SAXO1: variants seen among roughly 807,000 people sequenced by gnomAD.
SAXO1 encodes 4930500O09Rik.
In SAXO1, 21 loss-of-function variants were observed where a neutral mutation model predicts 17.5. That is an observed-to-expected ratio of 1.20 (90% CI 0.85 to 1.72). SAXO1 has a LOEUF of 1.72. Among genes scored for constraint, SAXO1 ranks in the 40% most tolerant of loss-of-function variants. SAXO1 has a pLI of 0.00. For synonymous variants in SAXO1, 274 were observed against 216.5 expected (o/e 1.27, Z -2.33); for missense variants, 843 against 596.0 (o/e 1.41, Z -4.32).
intron 1 of SAXO1, among the ~76,000 whole-genome samples, chr9:19,006,962 G>A (rs757620119): frequency 5.3e-5 from 8 of 151,338 alleles, no homozygotes; most frequent in Non-Finnish European, 1.0e-4. Context: ...GGACAATCAC[G>A]TGAACCCGGG....
At chr9:18,979,703 T>C (rs755567173) in intron 1 of SAXO1, among the ~76,000 whole-genome samples, 1 of 152,176 alleles carries the variant, frequency 6.6e-6, no homozygotes, top group Non-Finnish European at 1.5e-5. Flanking sequence ...GGAGGCAGCA[T>C]AGTGGCCCAC....
intron 1 of SAXO1, among the ~76,000 whole-genome samples, chr9:19,047,935 T>C (rs185602311): frequency 7.2e-5 from 11 of 152,186 alleles, no homozygotes; most frequent in Admixed American, 7.2e-4. Flanking sequence ...TGAAAGGCGA[T>C]CAGATAAGAA....
intron 1 of SAXO1, among the ~76,000 whole-genome samples, chr9:19,042,337 G>C (rs1044717948): frequency 6.6e-6 from 1 of 152,176 alleles, no homozygotes; most frequent in Non-Finnish European, 1.5e-5. Context: ...GCTGTACACT[G>C]TTGGTGGAAA....
At chr9:19,038,613 G>A (rs1234178472) in intron 1 of SAXO1, among the ~76,000 whole-genome samples, 3 of 116,264 alleles carry the variant, frequency 2.6e-5, no homozygotes, top group South Asian at 3.7e-4. Context: ...GTTGTGGGGT[G>A]GGGGGAGGGG....
At chr9:18,975,763 T>A (rs1341879340) in intron 1 of SAXO1, among the ~76,000 whole-genome samples, 1 of 152,208 alleles carries the variant, frequency 6.6e-6, no homozygotes, top group Non-Finnish European at 1.5e-5. Flanking sequence ...GAGCACATAT[T>A]ATGGTGGAGT....
chr9:19,020,917 G>A (rs1835205957), intron 1 of SAXO1, among the ~76,000 whole-genome samples: 1 of 152,166 alleles, frequency 6.6e-6, no homozygotes, highest in African/African-American at 2.4e-5. Context: ...TCAATGACCT[G>A]GGAATCCACC....
chr9:19,045,036 C>T (rs1257708030), intron 1 of SAXO1, among the ~76,000 whole-genome samples: 1 of 151,586 alleles, frequency 6.6e-6, no homozygotes, highest in Non-Finnish European at 1.5e-5. Flanking sequence ...GACGGCCGGG[C>T]GCGGTGGCTC....
At chr9:19,047,787 T>C (rs973359462) in intron 1 of SAXO1, among the ~76,000 whole-genome samples, 1 of 152,242 alleles carries the variant, frequency 6.6e-6, no homozygotes, top group Non-Finnish European at 1.5e-5. Context: ...TCTTGAAATT[T>C]TTACTCTCCT....
At chr9:19,001,928 A>T (rs1294876686) in intron 1 of SAXO1, among the ~76,000 whole-genome samples, 1 of 152,038 alleles carries the variant, frequency 6.6e-6, no homozygotes, top group Non-Finnish European at 1.5e-5. Flanking sequence ...GACACAAAAA[A>T]CCCTTCAAAA....
intron 3 of SAXO1, among the ~76,000 whole-genome samples, chr9:18,933,626 T>C (rs1831149538): frequency 6.6e-6 from 1 of 152,240 alleles, no homozygotes; most frequent in Non-Finnish European, 1.5e-5. Context: ...TTTGCCTTCA[T>C]TATTGAATCA....
chr9:18,939,127 C>G (rs565485046), intron 3 of SAXO1, among the ~76,000 whole-genome samples: 1 of 152,062 alleles, frequency 6.6e-6, no homozygotes, highest in African/African-American at 2.4e-5. Context: ...AGTCCGCCAT[C>G]GGATATGCCA....
At chr9:19,009,671 A>G (rs186006900) in intron 1 of SAXO1, among the ~76,000 whole-genome samples, 3 of 152,292 alleles carry the variant, frequency 2.0e-5, no homozygotes, top group Admixed American at 1.3e-4. Context: ...CCCAAGTGGA[A>G]GCACTCTGCC....
At chr9:19,012,585 G>C (rs1393379076) in intron 1 of SAXO1, among the ~76,000 whole-genome samples, 1 of 152,202 alleles carries the variant, frequency 6.6e-6, no homozygotes, top group Admixed American at 6.5e-5. Context: ...GCACTGTCTG[G>C]ATAAGGAGGC....
intron 2 of SAXO1, among the ~76,000 whole-genome samples, chr9:18,950,087 C>T (rs1170562062): frequency 6.6e-6 from 1 of 152,112 alleles, no homozygotes. Context: ...TGCTTATAGA[C>T]CAACCCTGAA....
At chr9:19,037,536 G>A (rs1051789184), upstream of SAXO1, among the ~76,000 whole-genome samples, 6 of 152,084 alleles carry the variant, frequency 3.9e-5, no homozygotes, top group Admixed American at 2.6e-4. Context: ...AGGGGTTTCC[G>A]CTTTTGCATC....
intron 1 of SAXO1, among the ~76,000 whole-genome samples, chr9:18,998,514 G>A (rs1834106373): frequency 6.6e-6 from 1 of 152,204 alleles, no homozygotes; most frequent in African/African-American, 2.4e-5. Flanking sequence ...GTGATGGGGA[G>A]AATGGAACCA....
At chr9:19,020,358 T>G (rs978619078) in intron 1 of SAXO1, among the ~76,000 whole-genome samples, 17 of 113,444 alleles carry the variant, frequency 1.5e-4, no homozygotes, top group African/African-American at 3.7e-4. Flanking sequence ...TTTTTTTTTT[T>G]TGTGAGACAG....
At chr9:18,938,854 A>ATGTGTGTGTGTGTGTGTGTGTATG (rs981075599) in intron 3 of SAXO1, among the ~76,000 whole-genome samples, 1 of 39,720 alleles carries the variant, frequency 2.5e-5, no homozygotes, top group Admixed American at 2.6e-4. Flanking sequence ...GTGTGTGTGT[A>ATGTGTGTGTGTGTGTGTGTGTATG]TGTGTGTGTG....
In SAXO1 at chr9:18,937,006, T is replaced by C. The variant is rs1280218394; in HGVS notation, c.421+4631A>G. Among the ~76,000 whole-genome samples the C allele has an allele frequency of 2.6e-5, 4 of 152,200 alleles. No individual in the cohort carries two copies. In the East Asian group the frequency reaches 5.8e-4, roughly 22 times the overall value. On this transcript the variant is annotated intron_variant, in intron 3 of 3. Transcript: ENST00000380534. ...AATCTAGATGGCACCCACTGAAACA[T>C]GTATTTAATAACCTTGGTCTTTGGT... is the stretch of plus-strand genomic sequence containing the variant.
Sources: gnomAD v4.1 joint callset for allele counts (sites outside exome capture counted in the v4.1 genomes callset) on GRCh38, gnomAD v4.1.1 for gene constraint, MANE v1.5 for transcripts, NCBI Gene and HGNC (gene_info 2026-07-23, HGNC 2026-07-21) for gene names.